The following ZBTB16 variants were observed in gnomAD, a reference collection of about 807,000 sequenced individuals.
The protein encoded by ZBTB16 is zinc finger and BTB domain containing 16.
In ZBTB16, 8 loss-of-function variants were observed where a neutral mutation model predicts 56.8. The observed-to-expected ratio is 0.14, with a 90% CI of 0.08 to 0.25. The LOEUF (loss-of-function observed/expected upper bound fraction) is 0.25. Ranked by LOEUF, ZBTB16 falls within the 10% of genes least tolerant of loss-of-function variation. ZBTB16 has a pLI of 1.00. For missense variants in ZBTB16, 625 were observed against 903.0 expected, an observed-to-expected ratio of 0.69 and a Z score of 3.95; for synonymous variants, 363 against 368.5, an observed-to-expected ratio of 0.98 and a Z score of 0.17.
chr11:114,156,747 C>T (rs1470485125), intron 3 of ZBTB16, among the ~76,000 whole-genome samples: 4 of 152,236 alleles, frequency 2.6e-5, no homozygotes, highest in African/African-American at 2.4e-5. Context: ...ATTAGGTTCT[C>T]ACTGTCTAAT....
intron 2 of ZBTB16, among the ~76,000 whole-genome samples, chr11:114,083,655 C>T (rs1020927454): frequency 2.6e-5 from 4 of 152,152 alleles, no homozygotes; most frequent in African/African-American, 9.7e-5. Flanking sequence ...GGGAGATGGG[C>T]TGGAAGGGAC....
At chr11:114,232,023 G>A (rs1388690559) in intron 4 of ZBTB16, among the ~76,000 whole-genome samples, 2 of 152,130 alleles carry the variant, frequency 1.3e-5, no homozygotes, top group Non-Finnish European at 2.9e-5. Context: ...CTGTTCAGTT[G>A]GGAGTCTGCA....
At position 114,253,515 on chromosome 11, in the gene ZBTB16, T is replaced by G. The variant is rs1339515641; in HGVS notation, c.*2960T>G. On this transcript the variant is annotated 3_prime_UTR_variant, in exon 7 of 7. Coordinates refer to ENST00000335953, the MANE Select transcript of ZBTB16 (RefSeq NM_006006.6). The stretch of plus-strand genomic sequence containing the variant: ...TTGTGTGTTAAATCATGCAGTATTG[T>G]CGTAATCTGGTGTTGCAGCAATGGA... Among the ~76,000 whole-genome samples, 1 of 152,220 alleles carries G rather than the reference T, an allele frequency of 6.6e-6. No homozygotes were observed. Among genetic ancestry groups the G allele is most frequent in the Non-Finnish European group, 1.5e-5 (1 of 68,048 alleles).
chr11:114,186,878 C>G (rs1446366963), intron 3 of ZBTB16, 74 bp from the exon 4 acceptor site: 6 of 1,434,970 alleles, frequency 4.2e-6, no homozygotes, highest in South Asian at 3.4e-5. Context: ...TCTACCTGCA[C>G]AGTTGTGGCC....
chr11:114,200,127 CA>C (rs796851438), intron 4 of ZBTB16, among the ~76,000 whole-genome samples: 124 of 104,970 alleles, frequency 1.2e-3, no homozygotes, highest in Middle Eastern at 5.0e-3. Flanking sequence ...GACTCCGTCT[CA>C]AAAAAAAAAA....
chr11:114,221,772 C>T (rs918677815), intron 4 of ZBTB16, among the ~76,000 whole-genome samples: 2 of 152,166 alleles, frequency 1.3e-5, no homozygotes, highest in Non-Finnish European at 2.9e-5. Context: ...TTAGCATTCT[C>T]TGACTGTGCT....
intron 4 of ZBTB16, among the ~76,000 whole-genome samples, chr11:114,238,348 T>C (rs1944636809): frequency 6.6e-6 from 1 of 152,180 alleles, no homozygotes; most frequent in South Asian, 2.1e-4. Flanking sequence ...TGCCACGGAC[T>C]GGGTGGCTTA....
chr11:114,240,872 C>T (rs756701583), intron 4 of ZBTB16, among the ~76,000 whole-genome samples: 3 of 152,214 alleles, frequency 2.0e-5, no homozygotes, highest in East Asian at 1.9e-4. Flanking sequence ...AGTTGCCCAT[C>T]GGGTTTAGGA....
Position 114,190,730 on chromosome 11 carries a change from T to TATAC in ZBTB16, c.1453+3693_1453+3694insTACA, listed in dbSNP as rs1404711208. 6.6e-3 allele frequency among the ~76,000 whole-genome samples: 943 copies of TATAC among 143,576 alleles called. 10 individuals carry two copies. The highest frequency in any genetic ancestry group is 0.021 in the African/African-American group (837 of 40,262). The allele number at this position is 143,576 out of a possible 152,430, so 94.2% of individuals were successfully genotyped here. ...CATCACTCATGCCACCTCTCTCTCA[T>TATAC]ACACACACACACACACACACACACA... is the stretch of plus-strand genomic sequence containing the variant. On this transcript the variant is annotated intron_variant, in intron 4 of 6. Transcript: ENST00000335953.
At chr11:114,233,058 C>T (rs1591802231) in intron 4 of ZBTB16, among the ~76,000 whole-genome samples, 2 of 128,768 alleles carry the variant, frequency 1.6e-5, no homozygotes, top group African/African-American at 5.4e-5. Flanking sequence ...CTCTACTGCA[C>T]ATACGCATGC....
rs1940440797 is a variant in ZBTB16, at chr11:114,097,024, TAGCCAAA to T, written c.1268+32459_1268+32465del. Among the ~76,000 whole-genome samples the T allele has an allele frequency of 2.0e-5, 3 of 152,232 alleles. No homozygotes were observed. The East Asian group carries it at 5.8e-4, about 29-fold the overall frequency. On this transcript the variant is annotated intron_variant, in intron 2 of 6. Transcript: ENST00000335953. Reference sequence around the variant, plus strand: ...ATGTTCATAGCAGCATTAGCCAAAATAGCCAAAAGGTGGAAATAATTCAAATGTTCAT... The same window carrying T: ...ATGTTCATAGCAGCATTAGCCAAAATAGGTGGAAATAATTCAAATGTTCAT...
intron 2 of ZBTB16, among the ~76,000 whole-genome samples, chr11:114,078,592 A>G (rs967802988): frequency 1.1e-4 from 16 of 151,882 alleles, no homozygotes; most frequent in African/African-American, 3.4e-4. Flanking sequence ...AGAGGGTGCT[A>G]TTTAGAGCAG....
At chr11:114,090,345 G>T (rs900160023) in intron 2 of ZBTB16, among the ~76,000 whole-genome samples, 2 of 152,206 alleles carry the variant, frequency 1.3e-5, no homozygotes, top group Non-Finnish European at 2.9e-5. Context: ...GCTGTAACGT[G>T]GGGGAAGGAT....
chr11:114,158,518 C>T (rs368650867), intron 3 of ZBTB16, among the ~76,000 whole-genome samples: 12 of 152,154 alleles, frequency 7.9e-5, no homozygotes, highest in East Asian at 7.7e-4. Flanking sequence ...CTTTTCTGTG[C>T]CCATGTTTCT....
chr11:114,132,470 A>G (rs989935299), intron 2 of ZBTB16, among the ~76,000 whole-genome samples: 3 of 152,182 alleles, frequency 2.0e-5, no homozygotes, highest in Non-Finnish European at 2.9e-5. Context: ...TGGTAGCACC[A>G]GAGGCCTGGG....
At chr11:114,093,173 A>G (rs1940253840) in intron 2 of ZBTB16, among the ~76,000 whole-genome samples, 1 of 152,008 alleles carries the variant, frequency 6.6e-6, no homozygotes, top group East Asian at 1.9e-4. Flanking sequence ...TGTGCCCTTT[A>G]ATTGTATCTT....
chr11:114,106,199 C>T (rs958209875), intron 2 of ZBTB16, among the ~76,000 whole-genome samples: 3 of 152,152 alleles, frequency 2.0e-5, no homozygotes, highest in African/African-American at 4.8e-5. Context: ...TACAGCAGCA[C>T]GACAGCCGCA....
chr11:114,161,814 CT>C (rs3837423), intron 3 of ZBTB16, among the ~76,000 whole-genome samples: 1 of 151,684 alleles, frequency 6.6e-6, no homozygotes, highest in East Asian at 1.9e-4. Context: ...GACTGTTGGG[CT>C]TTTTTTTATG....
At position 114,059,768 on chromosome 11, in the gene ZBTB16, T is replaced by C; in HGVS notation, c.-205T>C. The C allele has an allele frequency of 2.5e-6, 1 of 398,358 alleles. No homozygotes were observed. The highest frequency in any genetic ancestry group is 4.4e-6 in the Non-Finnish European group (1 of 225,946). 24.7% of individuals were successfully genotyped at this position (398,358 alleles called of 1,614,324 possible). A position where few individuals can be genotyped will look rare whatever the true frequency, so the allele number is the denominator to read the frequency against. On this transcript the variant is annotated 5_prime_UTR_variant, in exon 1 of 7. Coordinates refer to ENST00000335953, the MANE Select transcript of ZBTB16 (RefSeq NM_006006.6). This position sits in a 1 kb window ranked among gnomAD's most constrained non-coding sequence, Gnocchi z 5.3. ...TACTGCGAACTGCCGGGCGATGCTG[T>C]CGCTGCCGCCGTGATACGGAGAGCA...
Sources: allele counts gnomAD v4.1 joint callset (sites outside exome capture counted in the v4.1 genomes callset), GRCh38; gene constraint gnomAD v4.1.1; non-coding constraint Gnocchi (gnomAD v3.1); transcripts MANE v1.5; gene names NCBI Gene and HGNC (gene_info 2026-07-23, HGNC 2026-07-21).